Variants in ZNF81 observed in about 807,000 individuals in gnomAD.
ZNF81 encodes zinc finger protein 81 (HFZ20).
ZNF81 carries 5 observed loss-of-function variants against 32.3 expected under a neutral mutation model. The ratio of observed to expected loss-of-function variants is 0.15; its 90% CI spans 0.08 to 0.33. The LOEUF (loss-of-function observed/expected upper bound fraction) is 0.33, where lower values mean the gene tolerates loss of function less well. Among genes scored for constraint, ZNF81 ranks in the 10% least tolerant of loss-of-function variants. The pLI, the probability that ZNF81 is intolerant of heterozygous loss-of-function variation, is 1.00. For missense variants in ZNF81, 379 were observed against 479.8 expected, an observed-to-expected ratio of 0.79 and a Z score of 1.96; for synonymous variants, 163 against 166.8, an observed-to-expected ratio of 0.98 and a Z score of 0.17.
intron 1 of ZNF81, among the ~76,000 whole-genome samples, chrX:47,837,196 CT>C (rs2058428740): frequency 9.0e-6 from 1 of 111,415 alleles, no homozygotes; most frequent in South Asian, 3.7e-4. Flanking sequence ...ATTCATTTGT[CT>C]TTTACCCGGG....
At chrX:47,859,119 G>A (rs1216351854) in intron 2 of ZNF81, among the ~76,000 whole-genome samples, 1 of 109,324 alleles carries the variant, frequency 9.1e-6, no homozygotes, top group East Asian at 2.8e-4. Context: ...AGAAAAGAAA[G>A]GAAAAGAAAG....
intron 4 of ZNF81, among the ~76,000 whole-genome samples, chrX:47,905,422 A>AAG (rs1556889019): frequency 9.4e-6 from 1 of 106,485 alleles, no homozygotes; most frequent in African/African-American, 3.4e-5. Context: ...AAAAAAAAAA[A>AAG]AAAAAAAAAA....
At chrX:47,887,159 TTATTC>T (rs1411285822) in intron 2 of ZNF81, among the ~76,000 whole-genome samples, 1 of 111,759 alleles carries the variant, frequency 8.9e-6, no homozygotes, top group Non-Finnish European at 1.9e-5. Flanking sequence ...TTTCTGGACT[TTATTC>T]TGTTCTAATG....
At chrX:47,843,477 T>C (rs782220375) in intron 1 of ZNF81, among the ~76,000 whole-genome samples, 1 of 72,011 alleles carries the variant, frequency 1.4e-5, no homozygotes, top group East Asian at 4.8e-4. Context: ...TCTTGACTCC[T>C]TTATCTGATT....
chrX:47,873,038 G>A (rs1439867420), intron 2 of ZNF81, among the ~76,000 whole-genome samples: 7 of 111,640 alleles, frequency 6.3e-5, no homozygotes, highest in African/African-American at 2.3e-4. Flanking sequence ...CAGATCAGGT[G>A]CCTTTTCCTC....
intron 3 of ZNF81, among the ~76,000 whole-genome samples, chrX:47,888,934 G>T (rs1047210258): frequency 8.9e-6 from 1 of 111,976 alleles, no homozygotes; most frequent in South Asian, 3.7e-4. Flanking sequence ...GCTGAATTGC[G>T]TTCTGTTGGG....
At chrX:47,890,854 G>A (rs1405604901) in intron 3 of ZNF81, among the ~76,000 whole-genome samples, 4 of 111,866 alleles carry the variant, frequency 3.6e-5, no homozygotes, top group Non-Finnish European at 5.6e-5. Context: ...GGGATATCTC[G>A]ACATGCTCTA....
intron 4 of ZNF81, among the ~76,000 whole-genome samples, chrX:47,906,840 A>T (rs1270013950): frequency 5.3e-5 from 6 of 112,634 alleles, no homozygotes; most frequent in African/African-American, 1.9e-4. Flanking sequence ...AAATCAAGAT[A>T]ACCTCTTGAA....
intron 4 of ZNF81, among the ~76,000 whole-genome samples, chrX:47,913,693 A>AT: frequency 8.9e-6 from 1 of 111,975 alleles, no homozygotes; most frequent in African/African-American, 3.2e-5. Context: ...TTCAATAAAC[A>AT]TTTTTTGTTA....
chrX:47,861,612 C>G (rs782248147), intron 2 of ZNF81, among the ~76,000 whole-genome samples: 2 of 112,068 alleles, frequency 1.8e-5, no homozygotes, highest in Non-Finnish European at 3.8e-5. Flanking sequence ...CTGGCCAATA[C>G]TGGGCCAATA....
chrX:47,913,882 CAA>C (rs1246433805), intron 4 of ZNF81, among the ~76,000 whole-genome samples: 1 of 111,272 alleles, frequency 9.0e-6, no homozygotes, highest in African/African-American at 3.3e-5. Context: ...GAGCAAGATT[CAA>C]AGTGTGAACA....
chrX:47,856,331 T>C (rs1484445313), intron 2 of ZNF81, among the ~76,000 whole-genome samples: 1 of 111,260 alleles, frequency 9.0e-6, no homozygotes, highest in East Asian at 2.8e-4. Flanking sequence ...CAGAAGAATA[T>C]AGATATTGAT....
chrX:47,896,069 A>AGCATTG, intron 4 of ZNF81, 129 bp downstream of exon 4: 1 of 491,880 alleles, frequency 2.0e-6, no homozygotes, highest in East Asian at 3.7e-5. Flanking sequence ...GAGGATAGGT[A>AGCATTG]GCATTGGCCT....
chrX:47,849,815 T>G (rs1473302519), intron 2 of ZNF81, among the ~76,000 whole-genome samples: 1 of 111,943 alleles, frequency 8.9e-6, no homozygotes, highest in African/African-American at 3.2e-5. Flanking sequence ...TCAGAGGCCT[T>G]CTTGAACAGA....
At chrX:47,840,963 C>A in intron 1 of ZNF81, 1 of 586,076 alleles carries the variant, frequency 1.7e-6, no homozygotes, top group South Asian at 2.4e-5. Flanking sequence ...GCACCTGGGT[C>A]TAGTTCAGCT....
At chrX:47,897,190 C>G (rs1195782754) in intron 4 of ZNF81, among the ~76,000 whole-genome samples, 1 of 112,530 alleles carries the variant, frequency 8.9e-6, no homozygotes, top group Non-Finnish European at 1.9e-5. Context: ...ACATTCCCAG[C>G]AGCAATACAT....
At chrX:47,859,273 C>A (rs1306801608) in intron 2 of ZNF81, among the ~76,000 whole-genome samples, 1 of 111,098 alleles carries the variant, frequency 9.0e-6, no homozygotes, top group East Asian at 2.8e-4. Flanking sequence ...TTCAATAATT[C>A]TTTTATTAGT....
chrX:47,904,653 G>A (rs1304121553), intron 4 of ZNF81, among the ~76,000 whole-genome samples: 2 of 111,840 alleles, frequency 1.8e-5, no homozygotes, highest in African/African-American at 6.5e-5. Context: ...AAGTCAGTGC[G>A]GTGATTCCTC....
chrX:47,850,362 AAAAG>A (rs1298569945), intron 2 of ZNF81, among the ~76,000 whole-genome samples: 16 of 99,483 alleles, frequency 1.6e-4, no homozygotes, highest in African/African-American at 5.8e-4. Context: ...AAAAAAAAAA[AAAAG>A]AAAGAAAAAT....
Sources: allele counts gnomAD v4.1 joint callset (sites outside exome capture counted in the v4.1 genomes callset), GRCh38; gene constraint gnomAD v4.1.1; transcripts MANE v1.5; gene names NCBI Gene and HGNC (gene_info 2026-07-23, HGNC 2026-07-21).